CARS2: variants seen among roughly 807,000 people sequenced by gnomAD.
CARS2 encodes the protein probable cysteine--tRNA ligase, mitochondrial.
A neutral mutation model predicts 68.8 loss-of-function variants in CARS2; 52 were observed. The ratio of observed to expected loss-of-function variants is 0.76; its 90% CI spans 0.61 to 0.95. The LOEUF is 0.95. Among genes scored for constraint, CARS2 ranks in the 40% least tolerant of loss-of-function variants. The pLI is 0.00. For synonymous variants in CARS2, 314 were observed against 303.6 expected (o/e 1.03, Z -0.36); for missense variants, 780 against 754.2 (o/e 1.03, Z -0.40).
chr13:110,662,207 A>G (rs1230419702), intron 9 of CARS2, among the ~76,000 whole-genome samples: 1 of 96,678 alleles, frequency 1.0e-5, no homozygotes, highest in Non-Finnish European at 2.1e-5. Context: ...TCGGGTTCGG[A>G]CCCCCTCTGC....
At chr13:110,709,777 T>G (rs921726869), upstream of CARS2, among the ~76,000 whole-genome samples, 6 of 152,124 alleles carry the variant, frequency 3.9e-5, no homozygotes, top group African/African-American at 1.4e-4. Context: ...TCTGTCCCTC[T>G]AGAGAACCCT....
chr13:110,645,407 A>G (rs1887972248), intron 12 of CARS2: 1 of 152,330 alleles, frequency 6.6e-6, no homozygotes. Flanking sequence ...CCGGGTCATC[A>G]AAGGTCACGG....
At position 110,642,548 on chromosome 13, in the gene CARS2, C is replaced by T. The variant is rs772359189; in HGVS notation, c.1417-27G>A. ...TGAAGCCAGCAGGGCGCGGTTACGT[C>T]CCCCGGAGACTGTGGATTGTGGATG... On this transcript the variant is annotated intron_variant, in intron 13 of 14. Coordinates refer to ENST00000257347, the MANE Select transcript of CARS2 (RefSeq NM_024537.4). 4.4e-6 allele frequency: 7 copies of T among 1,595,056 alleles called. No homozygotes were observed. In the South Asian group the frequency reaches 6.7e-5, roughly 15 times the overall value.
chr13:110,663,626 T>C, intron 8 of CARS2, 108 bp from the exon 9 acceptor site: 2 of 1,507,556 alleles, frequency 1.3e-6, no homozygotes, highest in South Asian at 2.7e-5. Context: ...ATATCCAATG[T>C]ATAGACCAGT....
At chr13:110,650,988 G>A in intron 10 of CARS2, 46 bp downstream of exon 10, 3 of 1,429,024 alleles carry the variant, frequency 2.1e-6, no homozygotes, top group Non-Finnish European at 2.9e-6. Flanking sequence ...CAGAATGACT[G>A]TCTCCGAGCT....
chr13:110,703,529 A>T (rs2139937573), intron 2 of CARS2, among the ~76,000 whole-genome samples: 1 of 152,338 alleles, frequency 6.6e-6, no homozygotes, highest in African/African-American at 2.4e-5. Context: ...TTCTGTAGTC[A>T]TAAAGGTAAA....
intron 9 of CARS2, 54 bp downstream of exon 9, chr13:110,663,397 A>G: frequency 1.3e-6 from 2 of 1,557,544 alleles, no homozygotes; most frequent in Non-Finnish European, 8.7e-7. Context: ...AGCCTTTAAG[A>G]TGGGTTCCAC....
At chr13:110,644,094 G>T in intron 13 of CARS2, 1 of 1,324,244 alleles carries the variant, frequency 7.6e-7, no homozygotes, top group South Asian at 1.2e-5. Context: ...CATTCTGAGA[G>T]TCTTTGAACA....
At chr13:110,656,208 C>A (rs766840906) in intron 9 of CARS2, among the ~76,000 whole-genome samples, 4 of 152,176 alleles carry the variant, frequency 2.6e-5, no homozygotes, top group African/African-American at 9.7e-5. Flanking sequence ...GAGGCTGAGG[C>A]ATGAGAATCA....
At chr13:110,688,058 C>G (rs776247821) in intron 3 of CARS2, 40 bp from the exon 4 acceptor site, 2 of 1,404,410 alleles carry the variant, frequency 1.4e-6, no homozygotes, top group Admixed American at 3.7e-5. Context: ...GAGTCTGGGG[C>G]ATTCGCAACA....
Position 110,641,419 on chromosome 13 carries a change from G to A in CARS2, c.*118C>T, listed in dbSNP as rs1349900475. On this transcript the variant is annotated 3_prime_UTR_variant, in exon 15 of 15. Transcript: ENST00000257347. ...AAACAGACGCCAGTGGGACACTGTT[G>A]GTTGCCTTACTTTAATGCTGACCTA... The A allele has an allele frequency of 3.7e-6, 3 of 805,778 alleles. No homozygotes were observed. Among genetic ancestry groups the A allele is most frequent in the African/African-American group, 1.7e-5 (1 of 59,734 alleles). The allele number at this position is 805,778 out of a possible 1,614,324, so 49.9% of individuals were successfully genotyped here.
At chr13:110,697,640 G>C (rs779072320) in intron 3 of CARS2, among the ~76,000 whole-genome samples, 64 of 152,182 alleles carry the variant, frequency 4.2e-4, no homozygotes, top group African/African-American at 1.4e-3. Flanking sequence ...ACAGCGTTTT[G>C]CCATGTTGGC....
chr13:110,663,485 A>AT lies in CARS2; in HGVS notation c.952dup (p.Met318AsnfsTer12), dbSNP rs2062565840. On this transcript the variant is annotated frameshift_variant, in exon 9 of 15. Transcript: ENST00000257347. LOFTEE classifies it high-confidence loss of function. ...AATGTAGTTCTTTAATGATTTGGAC[A>AT]TTTTTTCTTCTTTGCCTTTGGCGTG... 1 of 1,614,054 alleles carries AT rather than the reference A, an allele frequency of 6.2e-7. No individual in the cohort carries two copies. Among genetic ancestry groups the AT allele is most frequent in the Non-Finnish European group, 8.5e-7 (1 of 1,179,968 alleles).
chr13:110,654,215 C>A (rs1312176561), intron 9 of CARS2, among the ~76,000 whole-genome samples: 1 of 152,220 alleles, frequency 6.6e-6, no homozygotes. Context: ...GGCACCAGAG[C>A]CTCTCTACTG....
In CARS2 at chr13:110,713,473, C is replaced by G. The variant is rs1232216518; in HGVS notation, n.63G>C. The G allele has an allele frequency of 7.1e-6, 7 of 989,336 alleles. No homozygotes were observed. The South Asian group carries it at 1.8e-4, about 25-fold the overall frequency. The allele number at this position is 989,336 out of a possible 1,614,324, so 61.3% of individuals were successfully genotyped here. ...TTGCGCCTCGCCCGCCGTCCACACC[C>G]CAGCGGCCCTGACGCTGTCCCCTCC... On this transcript the variant is annotated non_coding_transcript_exon_variant, in exon 1 of 3. Transcript: ENST00000485188.
rs1457060755 is a variant in CARS2 at position 110,702,187 on chromosome 13, C to CA, written c.276-633dup. On this transcript the variant is annotated intron_variant, in intron 2 of 14. Coordinates refer to ENST00000257347, the MANE Select transcript of CARS2 (RefSeq NM_024537.4). The stretch of plus-strand genomic sequence containing the variant: ...TAATGTCACACTCACCTCTGCTATC[C>CA]ATGTGGCCTAAATTTCAGTTCGTAA... Among the ~76,000 whole-genome samples, 7 of 152,312 alleles carry CA rather than the reference C, an allele frequency of 4.6e-5. No individual in the cohort carries two copies. In the South Asian group the frequency reaches 1.5e-3, roughly 32 times the overall value.
At chr13:110,652,250 G>C (rs981651487) in intron 9 of CARS2, among the ~76,000 whole-genome samples, 1 of 152,254 alleles carries the variant, frequency 6.6e-6, no homozygotes, top group African/African-American at 2.4e-5. Flanking sequence ...GTCTGCACCC[G>C]CTCATCAGAG....
intron 7 of CARS2, among the ~76,000 whole-genome samples, chr13:110,672,570 G>C (rs146195359): frequency 3.7e-4 from 56 of 152,310 alleles, no homozygotes; most frequent in African/African-American, 1.3e-3. Flanking sequence ...AAAGCAGTGT[G>C]TAGAGGGAAA....
intron 3 of CARS2, among the ~76,000 whole-genome samples, chr13:110,698,224 A>G (rs9583529): frequency 1.8e-4 from 27 of 152,144 alleles, no homozygotes; most frequent in African/African-American, 6.5e-4. Context: ...TTTTTTTTCA[A>G]AAAAAGAAAT....
Sources: gnomAD v4.1 joint callset for allele counts (sites outside exome capture counted in the v4.1 genomes callset) on GRCh38, gnomAD v4.1.1 for gene constraint, MANE v1.5 for transcripts, NCBI Gene and HGNC (gene_info 2026-07-23, HGNC 2026-07-21) for gene names.